NUP210: variants seen among roughly 807,000 people sequenced by gnomAD.
The protein encoded by NUP210 is nuclear pore membrane glycoprotein 210.
NUP210 carries 151 observed loss-of-function variants against 196.0 expected under a neutral mutation model. The ratio of observed to expected loss-of-function variants is 0.77; its 90% confidence interval spans 0.67 to 0.88. NUP210 has a LOEUF of 0.88. Ranked by LOEUF, NUP210 falls within the 40% of genes least tolerant of loss-of-function variation. The pLI is 0.00. For synonymous variants in NUP210, 1,070 were observed against 1,052.7 expected, an observed-to-expected ratio of 1.02 and a Z score of -0.32; for missense variants, 2,314 against 2,493.7, an observed-to-expected ratio of 0.93 and a Z score of 1.53.
intron 3 of NUP210, among the ~76,000 whole-genome samples, chr3:13,396,382 TG>T (rs1243383882): frequency 2.0e-5 from 3 of 152,068 alleles, no homozygotes; most frequent in Admixed American, 2.0e-4. Context: ...GGACTTGGTT[TG>T]GGGGCAGATC....
intron 1 of NUP210, among the ~76,000 whole-genome samples, chr3:13,409,141 T>C (rs1240313611): frequency 6.6e-6 from 1 of 152,194 alleles, no homozygotes; most frequent in Non-Finnish European, 1.5e-5. Flanking sequence ...GTGGGGGACA[T>C]GTGCTGGGTT....
At chr3:13,411,736 G>T (rs944995797) in intron 1 of NUP210, among the ~76,000 whole-genome samples, 2 of 152,060 alleles carry the variant, frequency 1.3e-5, no homozygotes, top group Non-Finnish European at 2.9e-5. Flanking sequence ...ACTTGTATTC[G>T]TTTATTTACT....
chr3:13,392,937 C>G (rs1313526880), intron 3 of NUP210, among the ~76,000 whole-genome samples: 1 of 151,698 alleles, frequency 6.6e-6, no homozygotes, highest in Non-Finnish European at 1.5e-5. Flanking sequence ...AGAGTCAGAG[C>G]CCAGCAGGCC....
chr3:13,418,890 A>T (rs1372079454), intron 1 of NUP210, among the ~76,000 whole-genome samples: 3 of 142,802 alleles, frequency 2.1e-5, no homozygotes, highest in African/African-American at 5.2e-5. Context: ...TGGAGGTTGC[A>T]GTGAGCCGAA....
intron 2 of NUP210, 133 bp downstream of exon 2, chr3:13,399,592 G>A: frequency 8.2e-7 from 1 of 1,215,192 alleles, no homozygotes; most frequent in Non-Finnish European, 1.2e-6. Context: ...CCTGTCTCCT[G>A]CCTGGGTGTC....
chr3:13,337,832 C>T lies in NUP210; in HGVS notation c.3552+5G>A, dbSNP rs374615876. 71 of 1,607,952 alleles carry T rather than the reference C, an allele frequency of 4.4e-5. No individual in the cohort carries two copies. Among genetic ancestry groups the T allele is most frequent in the Middle Eastern group, 3.3e-4 (2 of 6,076 alleles). On this transcript the variant is annotated splice_donor_5th_base_variant and intron_variant, in intron 26 of 39. Coordinates refer to ENST00000254508, the MANE Select transcript of NUP210 (RefSeq NM_024923.4). ...CAGGATTCAGAGCCCAGGAGGTCCC[C>T]TCACCTGGGTGCCCGTCCTCATCCG...
Position 13,354,495 on chromosome 3 carries a change from C to G in NUP210, c.2329-388G>C, listed in dbSNP as rs116012630. 2.0e-3 allele frequency: 374 copies of G among 183,878 alleles called. 2 individuals carry two copies. The highest frequency in any genetic ancestry group is 8.5e-3 in the African/African-American group (359 of 42,430). The allele number at this position is 183,878 out of a possible 1,614,324, so 11.4% of individuals were successfully genotyped here. A position where few individuals can be genotyped will look rare whatever the true frequency, so the allele number is the denominator to read the frequency against. ...CCCACAGGAACTATCTGGTCCCAAA[C>G]GTCAACAGTGCTGAAGCTGGGAACC... On this transcript the variant is annotated intron_variant, in intron 16 of 39. Transcript: ENST00000254508.
At chr3:13,416,398 G>A (rs527701724) in intron 1 of NUP210, among the ~76,000 whole-genome samples, 13 of 152,252 alleles carry the variant, frequency 8.5e-5, no homozygotes, top group South Asian at 8.3e-4. Context: ...CCAGAGGCCC[G>A]GGAGGTCGCA....
chr3:13,344,377 T>C (rs1341166232), intron 20 of NUP210, among the ~76,000 whole-genome samples: 4 of 152,230 alleles, frequency 2.6e-5, no homozygotes, highest in African/African-American at 4.8e-5. Context: ...GGACAGGCCA[T>C]GAGGCGAGTC....
At chr3:13,407,331 G>A (rs1292596366) in intron 1 of NUP210, among the ~76,000 whole-genome samples, 1 of 152,152 alleles carries the variant, frequency 6.6e-6, no homozygotes, top group Admixed American at 6.5e-5. Context: ...GAGCCCAGGA[G>A]TTCAAGGCAT....
At chr3:13,334,868 C>T (rs915520964) in intron 28 of NUP210, among the ~76,000 whole-genome samples, 1 of 152,212 alleles carries the variant, frequency 6.6e-6, no homozygotes, top group African/African-American at 2.4e-5. Flanking sequence ...CTGAACAAGG[C>T]GCCTCCCTCT....
At position 13,350,276 on chromosome 3, in the gene NUP210, G is replaced by A. The variant is rs187510474; in HGVS notation, c.2835+1603C>T. On this transcript the variant is annotated intron_variant, in intron 20 of 39. Coordinates refer to ENST00000254508, the MANE Select transcript of NUP210 (RefSeq NM_024923.4). The surrounding 1 kb of genome is among the most constrained non-coding windows in gnomAD (Gnocchi z 4.1). ...CCTGTGTGTTTGTGTGTGTGTGCGC[G>A]TGTGTTTTTGTGTCTTCAGCAAAAT... 9.9e-5 allele frequency among the ~76,000 whole-genome samples: 15 copies of A among 151,648 alleles called. No homozygotes were observed. Among genetic ancestry groups the A allele is most frequent in the African/African-American group, 3.1e-4 (13 of 41,382 alleles).
chr3:13,378,324 C>T (rs1055158171), intron 8 of NUP210, among the ~76,000 whole-genome samples: 1 of 152,198 alleles, frequency 6.6e-6, no homozygotes. Flanking sequence ...ATGAGTCATC[C>T]CTGCCCTCCC....
chr3:13,319,707 C>A (rs1248248010), intron 37 of NUP210, 56 bp downstream of exon 37: 13 of 1,500,388 alleles, frequency 8.7e-6, no homozygotes. Context: ...CAGGACCACT[C>A]CTGCCTGTCC....
Position 13,420,146 on chromosome 3 carries a change from C to A in NUP210, c.81G>T (p.Lys27Asn). 1 of 1,321,912 alleles carries A rather than the reference C, an allele frequency of 7.6e-7. No individual in the cohort carries two copies. Among genetic ancestry groups the A allele is most frequent in the South Asian group, 1.8e-5 (1 of 55,872 alleles). The allele number at this position is 1,321,912 out of a possible 1,614,324, so 81.9% of individuals were successfully genotyped here. The change falls in exon 1 of 40, where the codon AAG (lysine) becomes AAT (asparagine). Residue 27 changes from lysine (K) to asparagine (N), a missense_variant. Lys to Asn is a moderately conservative substitution (Grantham distance 94). Transcript: ENST00000254508. This position sits in a 1 kb window ranked among gnomAD's most constrained non-coding sequence, Gnocchi z 4.8. ...LAAGPSAAAA[K>N]LNIPKVLLPF... ...GCAGCAGCACTTTGGGGATGTTGAG[C>A]TTGGCCGCAGCGGCGGAGGGGCCCG... is the stretch of plus-strand genomic sequence containing the variant.
rs1468473262 is a variant in NUP210 at position 13,375,321 on chromosome 3, TG to T, written c.1431+182del. Among the ~76,000 whole-genome samples, 7 of 152,042 alleles carry T rather than the reference TG, an allele frequency of 4.6e-5. No individual in the cohort carries two copies. In the East Asian group the frequency reaches 1.3e-3, roughly 29 times the overall value. On this transcript the variant is annotated intron_variant, in intron 11 of 39. Coordinates refer to ENST00000254508, the MANE Select transcript of NUP210 (RefSeq NM_024923.4). ...CAATTTTTTCATTGTTGGTTTTTGT[TG>T]TTTTTTTTCCTAATTACCAGAATGC...
rs1559337486 is a variant in NUP210, at chr3:13,379,737, CA to C, written c.818-17del. On this transcript the variant is annotated splice_polypyrimidine_tract_variant and intron_variant, in intron 6 of 39. Coordinates refer to ENST00000254508, the MANE Select transcript of NUP210 (RefSeq NM_024923.4). This position sits in a 1 kb window ranked among gnomAD's most constrained non-coding sequence, Gnocchi z 4.2. ...ATGGAGAGTTCTGGCCACCAAGAAA[CA>C]AAAAATAACAGGGAAAGAGAGAGCA... 1 of 1,548,292 alleles carries C rather than the reference CA, an allele frequency of 6.5e-7. No homozygotes were observed. Among genetic ancestry groups the C allele is most frequent in the South Asian group, 1.2e-5 (1 of 82,688 alleles).
At chr3:13,414,925 T>C (rs770740203) in intron 1 of NUP210, among the ~76,000 whole-genome samples, 4 of 152,214 alleles carry the variant, frequency 2.6e-5, no homozygotes, top group Non-Finnish European at 5.9e-5. Context: ...GGACCTCAAG[T>C]AGTGCCTGGC....
intron 1 of NUP210, among the ~76,000 whole-genome samples, chr3:13,404,297 G>C (rs981951786): frequency 1.3e-5 from 2 of 152,180 alleles, no homozygotes; most frequent in African/African-American, 4.8e-5. Flanking sequence ...ATTACAGAGG[G>C]AAAGGTTTGC....
Sources: allele counts gnomAD v4.1 joint callset (sites outside exome capture counted in the v4.1 genomes callset), GRCh38; gene constraint gnomAD v4.1.1; non-coding constraint Gnocchi (gnomAD v3.1); transcripts MANE v1.5; gene names NCBI Gene and HGNC (gene_info 2026-07-23, HGNC 2026-07-21).